MAPK8IP3: variants seen among roughly 807,000 people sequenced by gnomAD.
MAPK8IP3 encodes the protein mitogen-activated protein kinase 8 interacting protein 3, also known as C-Jun-amino-terminal kinase-interacting protein 3.
In MAPK8IP3, 49 loss-of-function variants were observed where a neutral mutation model predicts 157.8. The ratio of observed to expected loss-of-function variants is 0.31; its 90% CI spans 0.25 to 0.39. MAPK8IP3 has a LOEUF of 0.39. Ranked by LOEUF, MAPK8IP3 falls within the 10% of genes least tolerant of loss-of-function variation. The probability of loss-of-function intolerance (pLI) is 1.00; values close to 1 mark genes in which losing one functional copy is unlikely to be tolerated. For missense variants in MAPK8IP3, 1,478 were observed against 1,889.4 expected, an observed-to-expected ratio of 0.78 and a Z score of 4.04; for synonymous variants, 897 against 777.7, an observed-to-expected ratio of 1.15 and a Z score of -2.55.
At chr16:1,721,700 C>CA (rs1369797600) in intron 1 of MAPK8IP3, among the ~76,000 whole-genome samples, 1 of 152,086 alleles carries the variant, frequency 6.6e-6, no homozygotes, top group Admixed American at 6.5e-5. Context: ...CTCGGCCTCC[C>CA]AAAGTACTGG....
chr16:1,738,651 A>AGC (rs1407043177), intron 4 of MAPK8IP3, among the ~76,000 whole-genome samples: 1 of 88,590 alleles, frequency 1.1e-5, no homozygotes, highest in African/African-American at 4.4e-5. Context: ...CGTCCGTGTG[A>AGC]GTGTGACCAT....
At chr16:1,737,715 T>C (rs1432393622) in intron 4 of MAPK8IP3, among the ~76,000 whole-genome samples, 1 of 87,240 alleles carries the variant, frequency 1.1e-5, no homozygotes, top group Non-Finnish European at 2.1e-5. Flanking sequence ...AGCATCTGTG[T>C]GACCGTCCGT....
Position 1,762,943 on chromosome 16 carries a change from G to C in MAPK8IP3, c.1835G>C (p.Arg612Pro). Residue 612 changes from arginine (R) to proline (P), a missense_variant, in exon 16 of 32, where the codon CGC becomes CCC. Around this residue, in one of 11 missense-constraint regions of MAPK8IP3, gnomAD observed 669 missense variants for 759.8 expected, o/e 0.88. Coordinates refer to ENST00000610761, the MANE Select transcript of MAPK8IP3 (RefSeq NM_001318852.2). ...CCCACCACTGCCGGCTTCAGCCAGC[G>C]CCGCAACCATGCCATGTGCCCGATC... The part of the protein sequence containing the change: ...KSPTTAGFSQ[R>P]RNHAMCPISA... 1 of 1,613,016 alleles carries C rather than the reference G, an allele frequency of 6.2e-7. No homozygotes were observed. Among genetic ancestry groups the C allele is most frequent in the Non-Finnish European group, 8.5e-7 (1 of 1,179,990 alleles).
Position 1,737,753 on chromosome 16 carries a change from CGT to C in MAPK8IP3, c.603-5571_603-5570del, listed in dbSNP as rs557447430. Among the ~76,000 whole-genome samples, 90 of 27,358 alleles carry C rather than the reference CGT, an allele frequency of 3.3e-3. 8 individuals carry two copies. Among genetic ancestry groups the C allele is most frequent in the Admixed American group, 4.1e-3 (7 of 1,694 alleles). The allele number at this position is 27,358 out of a possible 152,430, so 17.9% of individuals were successfully genotyped here. A position where few individuals can be genotyped will look rare whatever the true frequency, so the allele number is the denominator to read the frequency against. ...GAGCATCCGTGTGAGCGTGACCATCCGTGTGTGTGACCATCCGTGTGAGTGAC... is the reference window on the plus strand; with the variant it reads ...GAGCATCCGTGTGAGCGTGACCATCCGTGTGTGACCATCCGTGTGAGTGAC... On this transcript the variant is annotated intron_variant, in intron 4 of 31. Transcript: ENST00000610761.
rs1177612479 is a variant in MAPK8IP3, at chr16:1,762,899, G to A, written c.1791G>A (p.Val597=). ...CGGCCAAGCGCCCCTATCCCTCGGT[G>A]AACATCCACTACAAGTCACCCACCA... ...PPPAKRPYPS[V]NIHYKSPTTA... Residue 597 remains valine (V), a synonymous_variant, in exon 16 of 32, where the codon GTG becomes GTA. Transcript: ENST00000610761. 1 of 1,613,040 alleles carries A rather than the reference G, an allele frequency of 6.2e-7. No individual in the cohort carries two copies. Among genetic ancestry groups the A allele is most frequent in the South Asian group, 1.1e-5 (1 of 91,074 alleles).
At chr16:1,767,458 G>A in intron 26 of MAPK8IP3, 106 bp from the exon 27 acceptor site, 1 of 1,505,614 alleles carries the variant, frequency 6.6e-7, no homozygotes, top group Non-Finnish European at 9.0e-7. Context: ...GCGCTGGCTG[G>A]GAGGTCTGAG....
intron 4 of MAPK8IP3, among the ~76,000 whole-genome samples, chr16:1,736,709 TGTGAGC>T (rs1161695353): frequency 1.5e-5 from 1 of 67,688 alleles, no homozygotes; most frequent in Admixed American, 2.2e-4. Flanking sequence ...TGAGCGTCCG[TGTGAGC>T]GTGTGACCGT....
chr16:1,729,608 G>A (rs376273138), intron 4 of MAPK8IP3, 30 bp downstream of exon 4: 130 of 1,544,758 alleles, frequency 8.4e-5, no homozygotes, highest in South Asian at 1.1e-4. Flanking sequence ...GTGGAGGTAC[G>A]CGGGGCGCGG....
Position 1,767,399 on chromosome 16 carries a change from C to T in MAPK8IP3, c.3237+102C>T, listed in dbSNP as rs377080785. On this transcript the variant is annotated intron_variant, in intron 26 of 31. Transcript: ENST00000610761. Reference sequence around the variant, plus strand: ...AGTCCACGAGGCCCTACGTGGGTCCCATCTCCCCTGTACCACCTATGACTC... The same window carrying T: ...AGTCCACGAGGCCCTACGTGGGTCCTATCTCCCCTGTACCACCTATGACTC... 2.6e-6 allele frequency: 4 copies of T among 1,525,788 alleles called. No individual in the cohort carries two copies. The South Asian group carries it at 3.6e-5, about 14-fold the overall frequency. 94.5% of individuals were successfully genotyped at this position (1,525,788 alleles called of 1,614,324 possible). A position where few individuals can be genotyped will look rare whatever the true frequency, so the allele number is the denominator to read the frequency against.
intron 26 of MAPK8IP3, 22 bp downstream of exon 26, chr16:1,767,319 G>A (rs375763368): frequency 2.8e-5 from 45 of 1,611,752 alleles, no homozygotes; most frequent in South Asian, 1.8e-4. Context: ...CCAGGGCCCC[G>A]GGGAGGGGAA....
intron 5 of MAPK8IP3, chr16:1,744,874 T>C (rs2040874291): frequency 1.0e-6 from 1 of 959,364 alleles, no homozygotes; most frequent in Non-Finnish European, 1.2e-6. Context: ...TACATTTAAG[T>C]TCTTTTTATT....
At position 1,720,561 on chromosome 16, in the gene MAPK8IP3, C is replaced by A. The variant is rs148047902; in HGVS notation, c.319-3996C>A. Among the ~76,000 whole-genome samples, 19 of 152,344 alleles carry A rather than the reference C, an allele frequency of 1.2e-4. No individual in the cohort carries two copies. In the East Asian group the frequency reaches 3.7e-3, roughly 29 times the overall value. On this transcript the variant is annotated intron_variant, in intron 1 of 31. Transcript: ENST00000610761. ...AAGATGATCGTACATCTGCTCTACA[C>A]ACACACATACAAATCCAGAAGCACG...
intron 4 of MAPK8IP3, among the ~76,000 whole-genome samples, chr16:1,735,919 C>G (rs1255322489): frequency 9.6e-6 from 1 of 104,534 alleles, no homozygotes; most frequent in East Asian, 3.3e-4. Context: ...TGTGACCATC[C>G]GTGAGCATCC....
At chr16:1,727,307 T>TGTCGTGTGCTGTGTGCGGCGTCTGTGTGA (rs1243261970) in intron 2 of MAPK8IP3, among the ~76,000 whole-genome samples, 6 of 150,566 alleles carry the variant, frequency 4.0e-5, no homozygotes, top group Non-Finnish European at 8.9e-5. Flanking sequence ...TCTGTGTGAG[T>TGTCGTGTGCTGTGTGCGGCGTCTGTGTGA]GTCGTGTGCT....
At chr16:1,737,079 A>G (rs560701477) in intron 4 of MAPK8IP3, among the ~76,000 whole-genome samples, 1 of 67,588 alleles carries the variant, frequency 1.5e-5, no homozygotes, top group Non-Finnish European at 2.8e-5. Context: ...TGAGCGTGTG[A>G]CCGTCCGTGT....
At chr16:1,723,992 CGAT>C (rs929672437) in intron 1 of MAPK8IP3, among the ~76,000 whole-genome samples, 1 of 152,120 alleles carries the variant, frequency 6.6e-6, no homozygotes, top group African/African-American at 2.4e-5. Flanking sequence ...ATCCCAGTAA[CGAT>C]GGTGTCCTGA....
rs1310935255 is a variant in MAPK8IP3, at chr16:1,768,845, C to T, written c.*21C>T. The stretch of plus-strand genomic sequence containing the variant: ...AGTGAAGCTGCTGCCCTGCCTGGCC[C>T]GACCTGTACATAGGACCCCCGACCA... On this transcript the variant is annotated 3_prime_UTR_variant, in exon 32 of 32. Coordinates refer to ENST00000610761, the MANE Select transcript of MAPK8IP3 (RefSeq NM_001318852.2). The T allele has an allele frequency of 1.4e-5, 23 of 1,610,344 alleles. No homozygotes were observed. The highest frequency in any genetic ancestry group is 6.7e-5 in the East Asian group (3 of 44,836).
At position 1,767,856 on chromosome 16, in the gene MAPK8IP3, C is replaced by G. The variant is rs372037148; in HGVS notation, c.3461C>G (p.Ala1154Gly). ...GTACGCATCACGGCCCTGCTTGTCG[C>G]GGGCAGCCGGCTCTGGGTGGGCACC... ...SFVRITALLV[A>G]GSRLWVGTGN... Residue 1154 changes from alanine to glycine, a missense_variant, in exon 28 of 32, where the codon GCG becomes GGG. This residue lies in a region of MAPK8IP3 where 68 missense variants were observed against 125.1 expected (regional missense o/e 0.54). Transcript: ENST00000610761. 1 of 1,611,350 alleles carries G rather than the reference C, an allele frequency of 6.2e-7. No homozygotes were observed. The highest frequency in any genetic ancestry group is 8.5e-7 in the Non-Finnish European group (1 of 1,179,926).
At chr16:1,740,649 T>C (rs191071499) in intron 4 of MAPK8IP3, among the ~76,000 whole-genome samples, 1 of 152,352 alleles carries the variant, frequency 6.6e-6, no homozygotes, top group East Asian at 1.9e-4. Context: ...TCTTGCCCTC[T>C]GTGCTGTCGC....
Sources: gnomAD v4.1 joint callset for allele counts (sites outside exome capture counted in the v4.1 genomes callset) on GRCh38, gnomAD v4.1.1 for gene constraint, gnomAD v4.1.1 regional missense constraint, MANE v1.5 for transcripts, NCBI Gene and HGNC (gene_info 2026-07-23, HGNC 2026-07-21) for gene names.